PDE4D: variants seen among roughly 807,000 people sequenced by gnomAD.
PDE4D encodes the protein phosphodiesterase 4D, also known as 3',5'-cyclic-AMP phosphodiesterase 4D.
A neutral mutation model predicts 87.4 loss-of-function variants in PDE4D; 24 were observed. The observed-to-expected ratio is 0.27, with a 90% CI of 0.20 to 0.39. PDE4D has a LOEUF of 0.39. Among genes scored for constraint, PDE4D ranks in the 10% least tolerant of loss-of-function variants. The pLI, the probability that PDE4D is intolerant of heterozygous loss-of-function variation, is 1.00. For missense variants in PDE4D, 714 were observed against 1,041.0 expected (o/e 0.69, Z 4.32); for synonymous variants, 384 against 383.2 (o/e 1.00, Z -0.02).
intron 1 of PDE4D, among the ~76,000 whole-genome samples, chr5:59,718,741 T>C (rs1336771670): frequency 1.3e-5 from 2 of 152,168 alleles, no homozygotes; most frequent in East Asian, 3.8e-4. Flanking sequence ...TGAAGAATGA[T>C]TTTATACAAT....
At chr5:60,212,398 C>T (rs796481141) in intron 1 of PDE4D, among the ~76,000 whole-genome samples, 27 of 152,272 alleles carry the variant, frequency 1.8e-4, no homozygotes, top group African/African-American at 4.8e-4. Context: ...CCAATTGGAG[C>T]ACTCTATGCT....
intron 2 of PDE4D, among the ~76,000 whole-genome samples, chr5:59,999,762 T>C (rs1763859777): frequency 6.6e-6 from 1 of 151,922 alleles, no homozygotes; most frequent in African/African-American, 2.4e-5. Flanking sequence ...AATAAAAATT[T>C]ATGTTACTTG....
intron 1 of PDE4D, among the ~76,000 whole-genome samples, chr5:59,397,096 T>C (rs10065206): frequency 0.21 from 23,805 of 112,580 alleles, 3,523 homozygotes; most frequent in East Asian, 0.27. Context: ...CTGAGTGACC[T>C]ACAAAGAGAC....
At chr5:59,897,860 G>T (rs1007319106), upstream of PDE4D, among the ~76,000 whole-genome samples, 1 of 152,086 alleles carries the variant, frequency 6.6e-6, no homozygotes, top group Non-Finnish European at 1.5e-5. Flanking sequence ...ATATCCAAAG[G>T]CATTGAAAGT....
chr5:59,325,476 C>T (rs986851648), intron 1 of PDE4D, among the ~76,000 whole-genome samples: 5 of 152,140 alleles, frequency 3.3e-5, no homozygotes, highest in African/African-American at 1.2e-4. Flanking sequence ...AGGACCTACA[C>T]AGTAGTGTAT....
chr5:59,908,075 C>T (rs759592680), intron 3 of PDE4D, among the ~76,000 whole-genome samples: 1 of 152,050 alleles, frequency 6.6e-6, no homozygotes, highest in African/African-American at 2.4e-5. Context: ...AACGTTTTAA[C>T]TCTTCAATTT....
intron 1 of PDE4D, among the ~76,000 whole-genome samples, chr5:59,230,917 A>G (rs1238720820): frequency 6.6e-6 from 1 of 152,208 alleles, no homozygotes; most frequent in African/African-American, 2.4e-5. Context: ...AAGCAATGAT[A>G]AGAATATTAT....
At chr5:59,068,773 A>G (rs1451381774) in intron 5 of PDE4D, among the ~76,000 whole-genome samples, 1 of 152,060 alleles carries the variant, frequency 6.6e-6, no homozygotes, top group Non-Finnish European at 1.5e-5. Flanking sequence ...CTAGCTATGT[A>G]CTCTTGGGCC....
At chr5:59,170,944 C>T (rs1350605979) in intron 5 of PDE4D, among the ~76,000 whole-genome samples, 4 of 149,718 alleles carry the variant, frequency 2.7e-5, no homozygotes, top group Non-Finnish European at 5.9e-5. Context: ...TGCAATGGTG[C>T]CATCTCGGCT....
At chr5:59,023,498 A>G (rs2153378395) in intron 6 of PDE4D, among the ~76,000 whole-genome samples, 1 of 152,094 alleles carries the variant, frequency 6.6e-6, no homozygotes, top group Admixed American at 6.5e-5. Context: ...AAATTAAATT[A>G]AAAAACAGAA....
rs370609289 is a variant in PDE4D at position 59,484,572 on chromosome 5, G to A, written c.456-268604C>T. On this transcript the variant is annotated intron_variant, in intron 1 of 14. Coordinates refer to ENST00000340635, the MANE Select transcript of PDE4D (RefSeq NM_001104631.2). ...CTTCTAGAACAAACAAATGAAGCAG[G>A]TGCAATGATGTCCGTTCCCCTTCTT... 3.3e-5 allele frequency among the ~76,000 whole-genome samples: 5 copies of A among 152,278 alleles called. No individual in the cohort carries two copies. In the East Asian group the frequency reaches 9.6e-4, roughly 29 times the overall value.
intron 6 of PDE4D, among the ~76,000 whole-genome samples, chr5:59,009,673 C>G (rs570227824): frequency 6.6e-6 from 1 of 151,924 alleles, no homozygotes; most frequent in African/African-American, 2.4e-5. Context: ...ATTATAATTA[C>G]ACATTACCTA....
intron 1 of PDE4D, among the ~76,000 whole-genome samples, chr5:59,607,723 CA>C (rs1828409306): frequency 6.6e-6 from 1 of 151,840 alleles, no homozygotes; most frequent in Non-Finnish European, 1.5e-5. Context: ...ACAAGAGATT[CA>C]AGATGGTAGG....
intron 1 of PDE4D, among the ~76,000 whole-genome samples, chr5:59,444,110 T>C (rs1194114709): frequency 1.3e-5 from 2 of 152,232 alleles, no homozygotes; most frequent in African/African-American, 2.4e-5. Context: ...GCGAGCTCCA[T>C]GAATACTTAG....
chr5:59,703,515 A>T (rs983295396), intron 1 of PDE4D: 9 of 529,194 alleles, frequency 1.7e-5, no homozygotes, highest in Non-Finnish European at 2.7e-5. Context: ...AAAAGGCACC[A>T]TGTAGCTTGT....
At chr5:59,683,602 G>A (rs1173426742) in intron 1 of PDE4D, among the ~76,000 whole-genome samples, 1 of 152,112 alleles carries the variant, frequency 6.6e-6, no homozygotes, top group Non-Finnish European at 1.5e-5. Context: ...TGTACAGAAA[G>A]TAAATATATA....
chr5:60,065,836 G>A (rs998820730), intron 2 of PDE4D, among the ~76,000 whole-genome samples: 3 of 152,124 alleles, frequency 2.0e-5, no homozygotes, highest in Admixed American at 2.0e-4. Flanking sequence ...GTCTATCGTT[G>A]TTGGACATTT....
intron 1 of PDE4D, among the ~76,000 whole-genome samples, chr5:59,352,763 T>C (rs1317165305): frequency 6.6e-6 from 1 of 152,222 alleles, no homozygotes; most frequent in Non-Finnish European, 1.5e-5. Flanking sequence ...CTTTTGTTTG[T>C]TGATCTGACT....
chr5:59,678,868 T>C (rs1020031442), intron 1 of PDE4D, among the ~76,000 whole-genome samples: 1 of 152,224 alleles, frequency 6.6e-6, no homozygotes, highest in East Asian at 1.9e-4. Flanking sequence ...GATAAATGTC[T>C]ACAAGAGGCA....
Sources: gnomAD v4.1 joint callset for allele counts (sites outside exome capture counted in the v4.1 genomes callset) on GRCh38, gnomAD v4.1.1 for gene constraint, MANE v1.5 for transcripts, NCBI Gene and HGNC (gene_info 2026-07-23, HGNC 2026-07-21) for gene names.